Variants in MCTP1 observed in about 807,000 individuals in gnomAD.
MCTP1 encodes multiple C2 and transmembrane domain containing 1.
In MCTP1, 69 loss-of-function variants were observed where a neutral mutation model predicts 120.6. That is an observed-to-expected ratio of 0.57 (90% CI 0.47 to 0.70). MCTP1 has a LOEUF of 0.70. MCTP1 is among the 30% of genes least tolerant of loss of function. MCTP1 has a pLI of 0.00. For missense variants in MCTP1, 1,203 were observed against 1,248.8 expected, an observed-to-expected ratio of 0.96 and a Z score of 0.55; for synonymous variants, 529 against 493.1, an observed-to-expected ratio of 1.07 and a Z score of -0.96.
chr5:95,248,915 G>A (rs1221564209), intron 1 of MCTP1, among the ~76,000 whole-genome samples: 2 of 152,154 alleles, frequency 1.3e-5, no homozygotes, highest in Non-Finnish European at 1.5e-5. Flanking sequence ...ATGGAGGAAG[G>A]ATTCCCTGTT....
At chr5:94,835,405 T>C (rs1789513518) in intron 17 of MCTP1, among the ~76,000 whole-genome samples, 2 of 152,280 alleles carry the variant, frequency 1.3e-5, no homozygotes, top group Middle Eastern at 3.4e-3. Flanking sequence ...GGATAACTTA[T>C]CCAAAGTGAG....
intron 2 of MCTP1, among the ~76,000 whole-genome samples, chr5:94,962,956 C>G (rs977151940): frequency 6.6e-6 from 1 of 152,116 alleles, no homozygotes; most frequent in African/African-American, 2.4e-5. Context: ...AAAGCTCACT[C>G]TGCTTCCAAG....
chr5:94,912,350 G>A (rs780730526), intron 9 of MCTP1, among the ~76,000 whole-genome samples: 6 of 142,458 alleles, frequency 4.2e-5, no homozygotes, highest in South Asian at 2.3e-4. Flanking sequence ...GCTTGAACCC[G>A]GGAGTCGGAG....
At chr5:94,812,810 A>G (rs1405188892) in intron 17 of MCTP1, among the ~76,000 whole-genome samples, 1 of 151,866 alleles carries the variant, frequency 6.6e-6, no homozygotes, top group Non-Finnish European at 1.5e-5. Flanking sequence ...TGGATCATAG[A>G]ACTAAAACCA....
At chr5:94,841,052 TG>T (rs772334815) in intron 17 of MCTP1, among the ~76,000 whole-genome samples, 1 of 152,142 alleles carries the variant, frequency 6.6e-6, no homozygotes, top group Non-Finnish European at 1.5e-5. Flanking sequence ...TCTTTGACAC[TG>T]GGGTGCCAAA....
At chr5:95,256,777 A>C (rs1025449973) in intron 1 of MCTP1, among the ~76,000 whole-genome samples, 14 of 152,220 alleles carry the variant, frequency 9.2e-5, no homozygotes, top group African/African-American at 3.1e-4. Context: ...AGTAAGAGAA[A>C]GCAAGACGAG....
intron 22 of MCTP1, 69 bp from the exon 23 acceptor site, chr5:94,707,636 G>A (rs534499683): frequency 6.8e-6 from 8 of 1,177,238 alleles, no homozygotes; most frequent in Admixed American, 1.7e-5. Flanking sequence ...GAACAGCAAA[G>A]GAATGAGAGA....
At chr5:94,852,218 T>A (rs751403558) in intron 17 of MCTP1, among the ~76,000 whole-genome samples, 10 of 151,976 alleles carry the variant, frequency 6.6e-5, no homozygotes, top group Admixed American at 1.3e-4. Flanking sequence ...GTAAATTATA[T>A]TGTTACTTTT....
intron 17 of MCTP1, among the ~76,000 whole-genome samples, chr5:94,819,118 T>TATTTATTCATTCATTC (rs78332652): frequency 4.5e-4 from 64 of 140,728 alleles, no homozygotes; most frequent in African/African-American, 5.5e-4. Context: ...TTTATTTATT[T>TATTTATTCATTCATTC]ATTCATTCAT....
At chr5:95,156,740 T>G (rs900216515) in intron 1 of MCTP1, among the ~76,000 whole-genome samples, 5 of 152,250 alleles carry the variant, frequency 3.3e-5, no homozygotes, top group Non-Finnish European at 7.3e-5. Flanking sequence ...TAAGTGTTTT[T>G]GGTTCCTCTT....
chr5:95,030,214 T>C (rs1029874066), intron 1 of MCTP1, among the ~76,000 whole-genome samples: 2 of 152,150 alleles, frequency 1.3e-5, no homozygotes, highest in Admixed American at 1.3e-4. Context: ...TGGCTCAAGA[T>C]GAGGAGCTGA....
chr5:95,002,761 A>C (rs1367360035), intron 2 of MCTP1, among the ~76,000 whole-genome samples: 2 of 152,114 alleles, frequency 1.3e-5, no homozygotes, highest in African/African-American at 4.8e-5. Flanking sequence ...TTGGACTTGG[A>C]CTTTTGGGTT....
intron 2 of MCTP1, among the ~76,000 whole-genome samples, chr5:95,016,806 G>T (rs1837202535): frequency 6.6e-6 from 1 of 152,044 alleles, no homozygotes; most frequent in Admixed American, 6.6e-5. Flanking sequence ...AGATTGCATT[G>T]GGATTTGGAA....
In MCTP1 at chr5:94,710,800, G is replaced by C. The variant is rs192909428; in HGVS notation, c.2830+18C>G. ...AGCAGCTAAGACAGTTTGGGGGAGT[G>C]GGGGAGGCTTTACTTACCCCAGACA... On this transcript the variant is annotated intron_variant, in intron 21 of 22. Coordinates refer to ENST00000515393, the MANE Select transcript of MCTP1 (RefSeq NM_024717.7). 23 of 1,535,740 alleles carry C rather than the reference G, an allele frequency of 1.5e-5. No individual in the cohort carries two copies. The highest frequency in any genetic ancestry group is 1.9e-5 in the Non-Finnish European group (21 of 1,110,360).
intron 18 of MCTP1, among the ~76,000 whole-genome samples, chr5:94,797,293 C>A (rs541489942): frequency 6.6e-6 from 1 of 152,126 alleles, no homozygotes; most frequent in South Asian, 2.1e-4. Flanking sequence ...ATAAGCCCCC[C>A]CTCATAGAAT....
chr5:95,169,142 T>G (rs200079207), intron 1 of MCTP1, among the ~76,000 whole-genome samples: 1 of 152,268 alleles, frequency 6.6e-6, no homozygotes, highest in Admixed American at 6.5e-5. Flanking sequence ...TTTCTGCATC[T>G]TTTGAGATAA....
intron 1 of MCTP1, among the ~76,000 whole-genome samples, chr5:95,175,176 C>T (rs773168772): frequency 6.6e-6 from 1 of 152,136 alleles, no homozygotes; most frequent in Non-Finnish European, 1.5e-5. Flanking sequence ...GAAAATGATG[C>T]TCTGAGATTA....
chr5:95,193,005 T>C (rs1024332059), intron 1 of MCTP1, among the ~76,000 whole-genome samples: 1 of 152,188 alleles, frequency 6.6e-6, no homozygotes. Flanking sequence ...GCACCTGCCA[T>C]GTAGTTGGTT....
rs573884742 is a variant in MCTP1, at chr5:94,787,613, T to G, written c.2557-8450A>C. 1.5e-3 allele frequency among the ~76,000 whole-genome samples: 212 copies of G among 144,216 alleles called. 1 individual carries two copies. Among genetic ancestry groups the G allele is most frequent in the Non-Finnish European group, 2.3e-3 (152 of 66,624 alleles). 94.6% of individuals were successfully genotyped at this position (144,216 alleles called of 152,430 possible). A position where few individuals can be genotyped will look rare whatever the true frequency, so the allele number is the denominator to read the frequency against. On this transcript the variant is annotated intron_variant, in intron 18 of 22. Transcript: ENST00000515393. ...GGTGTCATCTATTAAGCACTTACTG[T>G]TTTTTTTTGTTTTTTTTTTTTGAGA... is the stretch of plus-strand genomic sequence containing the variant.
Sources: gnomAD v4.1 joint callset for allele counts (sites outside exome capture counted in the v4.1 genomes callset) on GRCh38, gnomAD v4.1.1 for gene constraint, MANE v1.5 for transcripts, NCBI Gene and HGNC (gene_info 2026-07-23, HGNC 2026-07-21) for gene names.